SORL1-AS1: variants seen among roughly 807,000 people sequenced by gnomAD.
The protein encoded by SORL1-AS1 is SORL1 antisense RNA 1, also known as lncRNA 51 A.
exon 2 of SORL1-AS1, chr11:121,449,227 T>G (rs941355289): frequency 3.3e-5 from 5 of 152,216 alleles, no homozygotes; most frequent in Non-Finnish European, 7.3e-5. Flanking sequence ...CCGTGCATGT[T>G]GATTTTCGTC....
At chr11:121,439,153 A>T in the SORL1-AS1 span, among the ~76,000 whole-genome samples, 1 of 152,228 alleles carries the variant, frequency 6.6e-6, no homozygotes, top group Admixed American at 6.5e-5. Context: ...AGAAAATGCC[A>T]GTTTTCCAAA....
downstream of SORL1-AS1, among the ~76,000 whole-genome samples, chr11:121,443,065 A>G (rs1860681664): frequency 6.6e-6 from 1 of 152,048 alleles, no homozygotes; most frequent in Non-Finnish European, 1.5e-5. Context: ...GATGGAAAAG[A>G]GTGTCTATAA....
the SORL1-AS1 span, among the ~76,000 whole-genome samples, chr11:121,440,786 C>T: frequency 6.6e-6 from 1 of 152,216 alleles, no homozygotes; most frequent in African/African-American, 2.4e-5. Flanking sequence ...TTTGTCCAGT[C>T]GCATTTCTAC....
At chr11:121,438,510 C>T in the SORL1-AS1 span, among the ~76,000 whole-genome samples, 1 of 152,030 alleles carries the variant, frequency 6.6e-6, no homozygotes, top group African/African-American at 2.4e-5. Context: ...TGAGTTTTTC[C>T]TGTTGCTAGA....
chr11:121,446,810 ACTGT>A (rs1860730916), downstream of SORL1-AS1, among the ~76,000 whole-genome samples: 1 of 151,604 alleles, frequency 6.6e-6, no homozygotes, highest in Admixed American at 6.6e-5. Flanking sequence ...AGCTAGTCTG[ACTGT>A]CTGCTTTCCC....
chr11:121,445,602 A>G (rs753373554), downstream of SORL1-AS1, among the ~76,000 whole-genome samples: 37 of 151,904 alleles, frequency 2.4e-4, no homozygotes, highest in Middle Eastern at 3.2e-3. Flanking sequence ...CCTTCTCCTC[A>G]GACGCTGAAA....
At chr11:121,447,759 C>G (rs577763977) in exon 2 of SORL1-AS1, 11 of 152,108 alleles carry the variant, frequency 7.2e-5, no homozygotes, top group African/African-American at 2.7e-4. Flanking sequence ...CTAACTTGTC[C>G]CAATCAGGGC....
At position 121,452,660 on chromosome 11, in the gene SORL1-AS1, C is replaced by G. The variant is rs758988540; in HGVS notation, n.339+15G>C. The G allele has an allele frequency of 1.4e-5, 19 of 1,394,970 alleles. No individual in the cohort carries two copies. The Middle Eastern group carries it at 5.5e-4, about 40-fold the overall frequency. 86.4% of individuals were successfully genotyped at this position (1,394,970 alleles called of 1,614,324 possible). A position where few individuals can be genotyped will look rare whatever the true frequency, so the allele number is the denominator to read the frequency against. ...CGCCTCCCTCCAGTTTTTTCCTCTC[C>G]CTGCACTTCCTCACCCCCGCATCCA... On this transcript the variant is annotated intron_variant and non_coding_transcript_variant, in intron 1 of 1. Transcript: ENST00000501964. The surrounding 1 kb of genome is among the most constrained non-coding windows in gnomAD (Gnocchi z 5.3).
chr11:121,443,093 A>AT (rs1565293661), downstream of SORL1-AS1, among the ~76,000 whole-genome samples: 1 of 152,128 alleles, frequency 6.6e-6, no homozygotes, highest in Non-Finnish European at 1.5e-5. Context: ...TTGATAAGCC[A>AT]TATGTCTTGA....
downstream of SORL1-AS1, among the ~76,000 whole-genome samples, chr11:121,442,938 A>G (rs1399859639): frequency 2.6e-5 from 4 of 151,194 alleles, no homozygotes; most frequent in African/African-American, 4.9e-5. Flanking sequence ...TCGGCCTCCC[A>G]AAGTGCTGGG....
chr11:121,438,608 T>C, the SORL1-AS1 span, among the ~76,000 whole-genome samples: 25 of 152,232 alleles, frequency 1.6e-4, no homozygotes, highest in African/African-American at 6.0e-4. Context: ...TTCATCTACG[T>C]TGTTGTATGC....
Position 121,452,695 on chromosome 11 carries a change from G to C in SORL1-AS1, n.319C>G, listed in dbSNP as rs1860823887. 1 of 1,295,342 alleles carries C rather than the reference G, an allele frequency of 7.7e-7. No individual in the cohort carries two copies. Among genetic ancestry groups the C allele is most frequent in the Non-Finnish European group, 1.0e-6 (1 of 1,002,158 alleles). The allele number at this position is 1,295,342 out of a possible 1,614,324, so 80.2% of individuals were successfully genotyped here. A position where few individuals can be genotyped will look rare whatever the true frequency, so the allele number is the denominator to read the frequency against. On this transcript the variant is annotated non_coding_transcript_exon_variant, in exon 1 of 2. Coordinates refer to ENST00000501964, the Ensembl canonical transcript of SORL1-AS1. This position sits in a 1 kb window ranked among gnomAD's most constrained non-coding sequence, Gnocchi z 5.3. ...CTCACCCCCGCATCCATCCGTTGCA[G>C]TCGCCTCCTAGGTGCAGGCACCACT... is the stretch of plus-strand genomic sequence containing the variant.
chr11:121,443,124 G>C (rs1860682608), downstream of SORL1-AS1, among the ~76,000 whole-genome samples: 1 of 152,062 alleles, frequency 6.6e-6, no homozygotes, highest in African/African-American at 2.4e-5. Flanking sequence ...CTTTACTAAT[G>C]ACAGCCCGTT....
rs1453426280 is a variant in SORL1-AS1 at position 121,452,495 on chromosome 11, C to A, written n.339+180G>T. 2.0e-6 allele frequency: 3 copies of A among 1,483,420 alleles called. No individual in the cohort carries two copies. The highest frequency in any genetic ancestry group is 2.0e-4 in the Middle Eastern group (1 of 4,880). 91.9% of individuals were successfully genotyped at this position (1,483,420 alleles called of 1,614,324 possible). A position where few individuals can be genotyped will look rare whatever the true frequency, so the allele number is the denominator to read the frequency against. On this transcript the variant is annotated intron_variant and non_coding_transcript_variant, in intron 1 of 1. Coordinates refer to ENST00000501964, the Ensembl canonical transcript of SORL1-AS1. This position sits in a 1 kb window ranked among gnomAD's most constrained non-coding sequence, Gnocchi z 5.3. ...GGCTTCCTCGTGGTGCAGGGCGACC[C>A]GCGCGAGCTGCGGCTGTGGGCGCGC... is the stretch of plus-strand genomic sequence containing the variant.
chr11:121,447,780 A>T (rs1326953283), exon 2 of SORL1-AS1: 1 of 152,178 alleles, frequency 6.6e-6, no homozygotes, highest in African/African-American at 2.4e-5. Flanking sequence ...GTGAGGGTCA[A>T]GCAGATACAG....
At chr11:121,447,306 G>A (rs1349456995), downstream of SORL1-AS1, 1 of 151,904 alleles carries the variant, frequency 6.6e-6, no homozygotes, top group Non-Finnish European at 1.4e-5. Context: ...ACCAAAACTT[G>A]AGGGCTTTTT....
At chr11:121,444,828 G>T (rs1219015788), downstream of SORL1-AS1, among the ~76,000 whole-genome samples, 3 of 152,202 alleles carry the variant, frequency 2.0e-5, no homozygotes, top group Admixed American at 1.3e-4. Context: ...GTCTTAATTT[G>T]TGCTGTGTTG....
chr11:121,449,899 C>T (rs1419186690), exon 2 of SORL1-AS1: 1 of 152,192 alleles, frequency 6.6e-6, no homozygotes, highest in Non-Finnish European at 1.5e-5. Flanking sequence ...TGATTATCTA[C>T]CTGAGAATGG....
chr11:121,451,545 T>G (rs909902312), intron 1 of SORL1-AS1, among the ~76,000 whole-genome samples: 4 of 152,248 alleles, frequency 2.6e-5, no homozygotes, highest in African/African-American at 9.6e-5. Context: ...AAGCACACCC[T>G]GTATAGCTGT....
Sources: allele counts gnomAD v4.1 joint callset (sites outside exome capture counted in the v4.1 genomes callset), GRCh38; gene constraint gnomAD v4.1.1; non-coding constraint Gnocchi (gnomAD v3.1); transcripts MANE v1.5; gene names NCBI Gene and HGNC (gene_info 2026-07-23, HGNC 2026-07-21).